The following DGKI variants were observed in gnomAD, a reference collection of about 807,000 sequenced individuals.
The protein encoded by DGKI is DAG kinase iota.
A neutral mutation model predicts 147.5 loss-of-function variants in DGKI; 55 were observed. That is an observed-to-expected ratio of 0.37 (90% confidence interval 0.30 to 0.47). DGKI has a LOEUF of 0.47. Ranked by LOEUF, DGKI falls within the 20% of genes least tolerant of loss-of-function variation. The pLI, the probability that DGKI is intolerant of heterozygous loss-of-function variation, is 1.00. For missense variants in DGKI, 1,007 were observed against 1,323.8 expected, an observed-to-expected ratio of 0.76 and a Z score of 3.71; for synonymous variants, 469 against 477.1, an observed-to-expected ratio of 0.98 and a Z score of 0.22.
chr7:137,654,706 T>C (rs1323139293), intron 5 of DGKI, 26 bp downstream of exon 5: 23 of 1,517,072 alleles, frequency 1.5e-5, no homozygotes, highest in Non-Finnish European at 1.8e-5. Flanking sequence ...AAGGTGATAC[T>C]TGAAATCAAG....
At chr7:137,802,555 A>T (rs1157733160) in intron 1 of DGKI, among the ~76,000 whole-genome samples, 3 of 152,158 alleles carry the variant, frequency 2.0e-5, no homozygotes, top group Non-Finnish European at 4.4e-5. Flanking sequence ...TAATGTCATA[A>T]ATAGGGTTAT....
At position 137,421,908 on chromosome 7, in the gene DGKI, G is replaced by A. The variant is rs762624311; in HGVS notation, c.2762-9701C>T. Among the ~76,000 whole-genome samples, 37 of 152,144 alleles carry A rather than the reference G, an allele frequency of 2.4e-4. 1 individual carries two copies. Among genetic ancestry groups the A allele is most frequent in the Admixed American group, 4.6e-4 (7 of 15,278 alleles). On this transcript the variant is annotated intron_variant, in intron 28 of 32. Coordinates refer to ENST00000614521, the MANE Select transcript of DGKI (RefSeq NM_001321708.2). ...GATTGAGGAAGACATTCTAGGGAGT[G>A]GAAGAAAGCTCACCTTACTGGCCCC...
intron 28 of DGKI, among the ~76,000 whole-genome samples, chr7:137,443,689 G>A (rs1813599365): frequency 6.6e-6 from 1 of 152,100 alleles, no homozygotes; most frequent in African/African-American, 2.4e-5. Flanking sequence ...TGTCCATTCT[G>A]GAAGGGACTG....
intron 1 of DGKI, among the ~76,000 whole-genome samples, chr7:137,733,553 T>C (rs1794942658): frequency 6.6e-6 from 1 of 152,116 alleles, no homozygotes; most frequent in South Asian, 2.1e-4. Context: ...CAAAGTTTTA[T>C]CCTTCTTTGC....
chr7:137,562,333 C>T (rs994192783), intron 19 of DGKI, among the ~76,000 whole-genome samples: 1 of 152,066 alleles, frequency 6.6e-6, no homozygotes, highest in South Asian at 2.1e-4. Context: ...GTCAGGAGTT[C>T]GAGACCAGCC....
At chr7:137,612,613 A>G (rs1045733900) in intron 8 of DGKI, among the ~76,000 whole-genome samples, 2 of 152,138 alleles carry the variant, frequency 1.3e-5, no homozygotes, top group Non-Finnish European at 2.9e-5. Context: ...TTGATAATCT[A>G]CAGGATCGCT....
At chr7:137,507,619 A>G (rs1816412772) in intron 21 of DGKI, among the ~76,000 whole-genome samples, 1 of 152,228 alleles carries the variant, frequency 6.6e-6, no homozygotes, top group South Asian at 2.1e-4. Flanking sequence ...TTTCACGTCT[A>G]TAAGTCATTC....
intron 27 of DGKI, among the ~76,000 whole-genome samples, chr7:137,452,180 C>T (rs1813993730): frequency 6.6e-6 from 1 of 152,140 alleles, no homozygotes; most frequent in South Asian, 2.1e-4. Flanking sequence ...ATGGGGCCAC[C>T]ACATAGAGAT....
chr7:137,458,462 A>G (rs1489706635), intron 27 of DGKI, among the ~76,000 whole-genome samples: 2 of 152,164 alleles, frequency 1.3e-5, no homozygotes, highest in Admixed American at 1.3e-4. Context: ...GACATTGAGA[A>G]AAAGTACAAC....
At chr7:137,734,611 T>A (rs1241015551) in intron 1 of DGKI, among the ~76,000 whole-genome samples, 1 of 151,986 alleles carries the variant, frequency 6.6e-6, no homozygotes. Flanking sequence ...CAAACCCAGG[T>A]AAGTTTTGAG....
chr7:137,607,497 C>T (rs1009389363), intron 10 of DGKI, among the ~76,000 whole-genome samples: 2 of 152,150 alleles, frequency 1.3e-5, no homozygotes, highest in African/African-American at 2.4e-5. Context: ...ATCATCAGCT[C>T]CTTAAAGAAA....
intron 21 of DGKI, among the ~76,000 whole-genome samples, chr7:137,491,670 G>A (rs1585166326): frequency 6.6e-6 from 1 of 152,168 alleles, no homozygotes; most frequent in East Asian, 1.9e-4. Flanking sequence ...CATAGTGCTT[G>A]TGGTCCATAG....
chr7:137,471,764 A>T (rs1297627687), intron 23 of DGKI, among the ~76,000 whole-genome samples: 1 of 151,620 alleles, frequency 6.6e-6, no homozygotes, highest in Non-Finnish European at 1.5e-5. Flanking sequence ...AAATGGTCTC[A>T]TTCAGGAATG....
intron 1 of DGKI, chr7:137,722,358 G>C: frequency 1.9e-6 from 3 of 1,612,888 alleles, no homozygotes; most frequent in Non-Finnish European, 2.5e-6. Flanking sequence ...TGCCTCGAAA[G>C]CTGTTGAGCC....
intron 21 of DGKI, among the ~76,000 whole-genome samples, chr7:137,517,336 A>T (rs1305601749): frequency 7.1e-6 from 1 of 140,402 alleles, no homozygotes; most frequent in East Asian, 2.2e-4. Context: ...AGAAAGAAAG[A>T]AAGAGAAAGA....
intron 17 of DGKI, among the ~76,000 whole-genome samples, chr7:137,574,600 G>T (rs834439): frequency 0.14 from 21,218 of 152,058 alleles, 3,402 homozygotes; most frequent in African/African-American, 0.39. Flanking sequence ...CGAAAATGTG[G>T]GCCTTACACT....
intron 21 of DGKI, among the ~76,000 whole-genome samples, chr7:137,490,003 T>A (rs1264927859): frequency 6.6e-6 from 1 of 152,168 alleles, no homozygotes; most frequent in African/African-American, 2.4e-5. Flanking sequence ...GTGTCATTCA[T>A]CTCTAATATG....
At chr7:137,729,650 T>C (rs1424372) in intron 1 of DGKI, among the ~76,000 whole-genome samples, 75,889 of 151,868 alleles carry the variant, frequency 0.5, 21,589 homozygotes, top group African/African-American at 0.78. Flanking sequence ...AATTTGACCT[T>C]TACCCTCTCA....
At chr7:137,517,627 G>A (rs913220165) in intron 21 of DGKI, among the ~76,000 whole-genome samples, 1 of 152,242 alleles carries the variant, frequency 6.6e-6, no homozygotes, top group East Asian at 1.9e-4. Context: ...AGAAAAACTG[G>A]GGGAGGAATG....
Sources: gnomAD v4.1 joint callset for allele counts (sites outside exome capture counted in the v4.1 genomes callset) on GRCh38, gnomAD v4.1.1 for gene constraint, MANE v1.5 for transcripts, NCBI Gene and HGNC (gene_info 2026-07-23, HGNC 2026-07-21) for gene names.